The following ANKK1 variants were observed in gnomAD, a reference collection of about 807,000 sequenced individuals.
The protein encoded by ANKK1 is ankyrin repeat and kinase domain containing 1, also known as ankyrin repeat and protein kinase domain-containing protein 1.
A neutral mutation model predicts 37.6 loss-of-function variants in ANKK1; 37 were observed. The ratio of observed to expected loss-of-function variants is 0.98; its 90% CI spans 0.76 to 1.29. ANKK1 has a LOEUF of 1.29. Ranked by LOEUF, ANKK1 falls within the 50% of genes most tolerant of loss-of-function variation. The probability of loss-of-function intolerance (pLI) is 0.00; values close to 1 mark genes in which losing one functional copy is unlikely to be tolerated. For synonymous variants in ANKK1, 415 were observed against 418.7 expected (o/e 0.99, Z 0.11); for missense variants, 1,019 against 990.6 (o/e 1.03, Z -0.39).
At chr11:113,395,494 T>G in intron 4 of ANKK1, 86 bp downstream of exon 4, 4 of 1,420,598 alleles carry the variant, frequency 2.8e-6, no homozygotes, top group Non-Finnish European at 3.9e-6. Context: ...GACTGAGGGT[T>G]GGGGGGGGTC....
chr11:113,399,791 A>G lies in ANKK1; in HGVS notation c.1822A>G (p.Ile608Val). ...AGCAGCCTACAAGGGCCACCTGGAG[A>G]TCATCCATCTGCTGGCAGAGAGCCA... The part of the protein sequence containing the change: ...HLAAYKGHLE[I>V]IHLLAESHAN... The change falls in exon 8 of 8, where the codon ATC becomes GTC. Residue 608 changes from isoleucine (I) to valine (V), a missense_variant. By Grantham distance (29) the Ile-to-Val change is conservative. Coordinates refer to ENST00000303941, the MANE Select transcript of ANKK1 (RefSeq NM_178510.2). 1 of 1,603,596 alleles carries G rather than the reference A, an allele frequency of 6.2e-7. No homozygotes were observed. Among genetic ancestry groups the G allele is most frequent in the Non-Finnish European group, 8.5e-7 (1 of 1,175,316 alleles).
intron 1 of ANKK1, among the ~76,000 whole-genome samples, chr11:113,392,171 A>G (rs536004180): frequency 1.3e-5 from 2 of 152,304 alleles, no homozygotes; most frequent in South Asian, 2.1e-4. Context: ...CCCAGTTTTT[A>G]GTTTAGAAAC....
intron 5 of ANKK1, 94 bp downstream of exon 5, chr11:113,396,316 A>C: frequency 1.4e-6 from 2 of 1,448,604 alleles, no homozygotes; most frequent in East Asian, 2.4e-5. Context: ...GCAGAGAGAC[A>C]CTTTTGGTAC....
intron 2 of ANKK1, 29 bp downstream of exon 2, chr11:113,393,804 C>G (rs753012655): frequency 6.4e-7 from 1 of 1,560,686 alleles, no homozygotes; most frequent in African/African-American, 1.3e-5. Context: ...CCTCCGCTCC[C>G]TTTCACTTGA....
chr11:113,389,334 C>G (rs1565648255), intron 1 of ANKK1, among the ~76,000 whole-genome samples: 1 of 152,146 alleles, frequency 6.6e-6, no homozygotes, highest in Non-Finnish European at 1.5e-5. Flanking sequence ...GTATGGATTA[C>G]TATACTAGGA....
chr11:113,400,330 G>A lies in ANKK1; in HGVS notation c.*63G>A, dbSNP rs1950694294. The A allele has an allele frequency of 1.4e-6, 2 of 1,423,396 alleles. No individual in the cohort carries two copies. The highest frequency in any genetic ancestry group is 1.9e-6 in the Non-Finnish European group (2 of 1,066,992). The allele number at this position is 1,423,396 out of a possible 1,614,324, so 88.2% of individuals were successfully genotyped here. ...CCAGCACTTTGGGAGGCTGAGGCAG[G>A]CAGATCACCTGATATCAAGAGTTTG... On this transcript the variant is annotated 3_prime_UTR_variant, in exon 8 of 8. Transcript: ENST00000303941.
In ANKK1 at chr11:113,397,207, TC is replaced by T. The variant is rs757311568; in HGVS notation, c.839-14del. On this transcript the variant is annotated splice_polypyrimidine_tract_variant and intron_variant, in intron 5 of 7. Coordinates refer to ENST00000303941, the MANE Select transcript of ANKK1 (RefSeq NM_178510.2). ...CCCGTTGCTTCCTTTCCTGTCTTTC[TC>T]CCACTCATGGAGCAGACATTACCAT... is the stretch of plus-strand genomic sequence containing the variant. 6 of 1,597,182 alleles carry T rather than the reference TC, an allele frequency of 3.8e-6. No homozygotes were observed. Among genetic ancestry groups the T allele is most frequent in the Non-Finnish European group, 5.1e-6 (6 of 1,174,174 alleles).
chr11:113,397,937 G>A (rs1950652302), intron 6 of ANKK1, 43 bp from the exon 7 acceptor site: 1 of 1,552,250 alleles, frequency 6.4e-7, no homozygotes, highest in Non-Finnish European at 8.7e-7. Context: ...GGCTAGAACT[G>A]CGCCACTGAT....
Position 113,396,064 on chromosome 11 carries a change from C to A in ANKK1, c.683-3C>A. On this transcript the variant is annotated splice_region_variant and splice_polypyrimidine_tract_variant and intron_variant, in intron 4 of 7. Coordinates refer to ENST00000303941, the MANE Select transcript of ANKK1 (RefSeq NM_178510.2). ...CCCACATAGCCTGAGCCTCCCTTTGCAGGGTTCAACATGATGATGATTATT... is the reference window on the plus strand; with the variant it reads ...CCCACATAGCCTGAGCCTCCCTTTGAAGGGTTCAACATGATGATGATTATT... 1 of 1,613,810 alleles carries A rather than the reference C, an allele frequency of 6.2e-7. No homozygotes were observed. The highest frequency in any genetic ancestry group is 1.6e-4 in the Middle Eastern group (1 of 6,062).
chr11:113,399,609 T>C lies in ANKK1; in HGVS notation c.1640T>C (p.Leu547Pro), dbSNP rs750392041. ...RGKVRAIQHL[L>P]KSGAVPDALD... ...AAAGTGAGGGCCATCCAACACCTGC[T>C]GAAGAGTGGAGCGGTCCCTGATGCC... The change falls in exon 8 of 8, where the codon CTG (leucine) becomes CCG (proline). Residue 547 changes from leucine (L) to proline (P), a missense_variant. Coordinates refer to ENST00000303941, the MANE Select transcript of ANKK1 (RefSeq NM_178510.2). 8 of 1,607,214 alleles carry C rather than the reference T, an allele frequency of 5.0e-6. No homozygotes were observed.
At chr11:113,396,301 G>A in intron 5 of ANKK1, 79 bp downstream of exon 5, 5 of 1,538,566 alleles carry the variant, frequency 3.2e-6, no homozygotes, top group Non-Finnish European at 4.4e-6. Context: ...ACTCCTGGGA[G>A]CTATGCAGAG....
In ANKK1 at chr11:113,399,910, G is replaced by C; in HGVS notation, c.1941G>C (p.Gln647His). ...AGGCGGTGGTGTCAGCACTGCTGCA[G>C]TGTGGGGCTGACCCCAATGCTGCAG... ...GEEAVVSALL[Q>H]CGADPNAAEQ... The change falls in exon 8 of 8, where the codon CAG becomes CAC. Residue 647 changes from glutamine (Q) to histidine (H), a missense_variant. Gln to His is a conservative substitution (Grantham distance 24). Coordinates refer to ENST00000303941, the MANE Select transcript of ANKK1 (RefSeq NM_178510.2). 1 of 1,613,526 alleles carries C rather than the reference G, an allele frequency of 6.2e-7. No individual in the cohort carries two copies. Among genetic ancestry groups the C allele is most frequent in the Non-Finnish European group, 8.5e-7 (1 of 1,179,882 alleles).
chr11:113,399,584 A>G lies in ANKK1; in HGVS notation c.1615A>G (p.Lys539Glu). The G allele has an allele frequency of 6.2e-7, 1 of 1,605,632 alleles. No homozygotes were observed. Among genetic ancestry groups the G allele is most frequent in the South Asian group, 1.1e-5 (1 of 89,250 alleles). The part of the protein sequence containing the change: ...TPLHLAVERG[K>E]VRAIQHLLKS... ...ACTGCACCTGGCAGTAGAGCGGGGC[A>G]AAGTGAGGGCCATCCAACACCTGCT... The change falls in exon 8 of 8, where the codon AAA (lysine) becomes GAA (glutamate). Residue 539 changes from lysine to glutamate, a missense_variant. Physicochemically the swap from Lys to Glu is moderately conservative, Grantham distance 56. Transcript: ENST00000303941.
chr11:113,395,010 C>T lies in ANKK1; in HGVS notation c.562C>T (p.Leu188Phe), dbSNP rs897218854. 2 of 1,613,466 alleles carry T rather than the reference C, an allele frequency of 1.2e-6. No homozygotes were observed. Among genetic ancestry groups the T allele is most frequent in the East Asian group, 2.2e-5 (1 of 44,866 alleles). Reference sequence around the variant, plus strand: ...CGAGAGGTCGGCTCTGCGGGGCATGCTCAGCTACATCCCCCCTGAGATGTT... The same window carrying T: ...CGAGAGGTCGGCTCTGCGGGGCATGTTCAGCTACATCCCCCCTGAGATGTT... ...YIERSALRGM[L>F]SYIPPEMFLE... Residue 188 changes from leucine (L) to phenylalanine (F), a missense_variant, in exon 3 of 8, where the codon CTC becomes TTC. Leu to Phe is a conservative substitution (Grantham distance 22, BLOSUM62 0). Transcript: ENST00000303941.
intron 4 of ANKK1, among the ~76,000 whole-genome samples, chr11:113,395,665 A>G (rs1950631824): frequency 6.6e-6 from 1 of 152,116 alleles, no homozygotes; most frequent in African/African-American, 2.4e-5. Flanking sequence ...CCTTGCTTCT[A>G]AAGTGCCCTT....
rs1469219226 is a variant in ANKK1, at chr11:113,388,119, G to A, written c.185+50G>A. ...TTCTCGGAGGAGAAACTGAGGCCCGGCAAGCTTTGGGCCCAGGGAGCTTGC... is the reference window on the plus strand; with the variant it reads ...TTCTCGGAGGAGAAACTGAGGCCCGACAAGCTTTGGGCCCAGGGAGCTTGC... On this transcript the variant is annotated intron_variant, in intron 1 of 7. Transcript: ENST00000303941. 3.5e-6 allele frequency: 5 copies of A among 1,437,294 alleles called. No homozygotes were observed. In the Admixed American group the frequency reaches 1.0e-4, roughly 30 times the overall value. 89.0% of individuals were successfully genotyped at this position (1,437,294 alleles called of 1,614,324 possible). A position where few individuals can be genotyped will look rare whatever the true frequency, so the allele number is the denominator to read the frequency against.
At chr11:113,397,883 T>A (rs1950651779) in intron 6 of ANKK1, 97 bp from the exon 7 acceptor site, 3 of 1,366,272 alleles carry the variant, frequency 2.2e-6, no homozygotes, top group Non-Finnish European at 3.1e-6. Context: ...GTCCTGACAG[T>A]GACCGGGAAG....
In ANKK1 at chr11:113,399,097, G is replaced by T; in HGVS notation, c.1128G>T (p.Glu376Asp). 6.3e-7 allele frequency: 1 copy of T among 1,594,750 alleles called. No individual in the cohort carries two copies. Among genetic ancestry groups the T allele is most frequent in the Non-Finnish European group, 8.5e-7 (1 of 1,170,652 alleles). Reference protein sequence around the residue: ...LHFLVAQGSVEQVRLLLAHEV... With the variant: ...LHFLVAQGSVDQVRLLLAHEV... ...TCCTGGTGGCCCAGGGCAGTGTGGA[G>T]CAGGTGAGGTTGCTGCTGGCCCACG... The change falls in exon 8 of 8, where the codon GAG becomes GAT. Residue 376 changes from glutamate to aspartate, a missense_variant. By Grantham distance (45) the Glu-to-Asp change is conservative. Transcript: ENST00000303941.
rs1950612077 is a variant in ANKK1, at chr11:113,393,782, G to A, written c.480+7G>A. 1 of 1,592,646 alleles carries A rather than the reference G, an allele frequency of 6.3e-7. No homozygotes were observed. On this transcript the variant is annotated splice_region_variant and intron_variant, in intron 2 of 7. Coordinates refer to ENST00000303941, the MANE Select transcript of ANKK1 (RefSeq NM_178510.2). ...CAGCAACATGCATGTCAAAGTAAGG[G>A]CTCTGGCCAATCCTCCGCTCCCTTT...
Sources: allele counts gnomAD v4.1 joint callset (sites outside exome capture counted in the v4.1 genomes callset), GRCh38; gene constraint gnomAD v4.1.1; transcripts MANE v1.5; gene names NCBI Gene and HGNC (gene_info 2026-07-23, HGNC 2026-07-21).